SLC6A9: variants seen among roughly 807,000 people sequenced by gnomAD.
The protein encoded by SLC6A9 is solute carrier family 6 member 9.
A neutral mutation model predicts 70.9 loss-of-function variants in SLC6A9; 31 were observed. The observed-to-expected ratio is 0.44, with a 90% CI of 0.33 to 0.59. SLC6A9 has a LOEUF of 0.59. Among genes scored for constraint, SLC6A9 ranks in the 20% least tolerant of loss-of-function variants. The pLI is 0.04. For missense variants in SLC6A9, 631 were observed against 845.2 expected (o/e 0.75, Z 3.14); for synonymous variants, 310 against 341.3 (o/e 0.91, Z 1.01).
At chr1:44,024,797 G>A (rs1260808262) in intron 1 of SLC6A9, among the ~76,000 whole-genome samples, 1 of 152,158 alleles carries the variant, frequency 6.6e-6, no homozygotes, top group Non-Finnish European at 1.5e-5. Flanking sequence ...CACTCAGTGT[G>A]GGCTCCAGGG....
intron 2 of SLC6A9, chr1:44,017,157 C>T (rs201645569): frequency 8.7e-6 from 14 of 1,604,384 alleles, no homozygotes; most frequent in Middle Eastern, 1.7e-4. Flanking sequence ...AGCTCCAGCG[C>T]GACACTGACG....
intron 12 of SLC6A9, 111 bp downstream of exon 12, chr1:44,000,656 T>C (rs552023775): frequency 2.8e-6 from 2 of 717,664 alleles, no homozygotes; most frequent in African/African-American, 1.8e-5. Flanking sequence ...GTCATGGGTA[T>C]GGAGCTCCGG....
intron 5 of SLC6A9, among the ~76,000 whole-genome samples, chr1:44,007,076 G>A (rs971251143): frequency 6.6e-6 from 1 of 152,158 alleles, no homozygotes; most frequent in East Asian, 1.9e-4. Context: ...CCCAGCTCCA[G>A]TTTGCCTCCT....
At chr1:44,023,720 C>T (rs2086930015) in intron 2 of SLC6A9, among the ~76,000 whole-genome samples, 1 of 152,116 alleles carries the variant, frequency 6.6e-6, no homozygotes. Flanking sequence ...TCTCCCGTGT[C>T]TCGTGGCCTC....
chr1:44,025,468 G>A (rs1051361647), intron 1 of SLC6A9, among the ~76,000 whole-genome samples: 2 of 151,358 alleles, frequency 1.3e-5, no homozygotes, highest in Non-Finnish European at 2.9e-5. Flanking sequence ...CTCCAGCCTG[G>A]GCGACAGAGC....
chr1:43,997,846 T>C lies in SLC6A9; in HGVS notation c.1707+9A>G, dbSNP rs201868723. ...TTTGCCTGGCTACCCAGCCTGTCCC[T>C]GCCCTCACCTGGAGGAGGGTGTCCC... On this transcript the variant is annotated intron_variant, in intron 13 of 13. Transcript: ENST00000372310. This position sits in a 1 kb window ranked among gnomAD's most constrained non-coding sequence, Gnocchi z 4.4. 3 of 1,603,626 alleles carry C rather than the reference T, an allele frequency of 1.9e-6. No homozygotes were observed. The highest frequency in any genetic ancestry group is 1.3e-5 in the African/African-American group (1 of 74,832).
chr1:44,005,998 C>T (rs1297184727), intron 5 of SLC6A9, among the ~76,000 whole-genome samples: 1 of 152,210 alleles, frequency 6.6e-6, no homozygotes, highest in African/African-American at 2.4e-5. Flanking sequence ...ATCTCTAGAG[C>T]TTTGCCCTGG....
chr1:44,010,528 C>T lies in SLC6A9; in HGVS notation c.187+198G>A, dbSNP rs774345071. ...AAGGGGGCCAACTGGCAGGGCCAGC[C>T]CCCAACAACAGACTGCCAGGGTCTG... is the stretch of plus-strand genomic sequence containing the variant. On this transcript the variant is annotated intron_variant, in intron 3 of 13. Coordinates refer to ENST00000372310, the MANE Select transcript of SLC6A9 (RefSeq NM_001024845.3). The T allele has an allele frequency of 2.3e-3, 1,270 of 552,542 alleles. 8 individuals are homozygous for T. The highest frequency in any genetic ancestry group is 1.9e-3 in the Non-Finnish European group (604 of 310,160). 34.2% of individuals were successfully genotyped at this position (552,542 alleles called of 1,614,324 possible).
chr1:44,022,278 A>G (rs11585120), intron 2 of SLC6A9, among the ~76,000 whole-genome samples: 35,356 of 152,104 alleles, frequency 0.23, 9,180 homozygotes, highest in African/African-American at 0.65. Flanking sequence ...TCCAGAGAAG[A>G]AAGAGCAACC....
intron 2 of SLC6A9, among the ~76,000 whole-genome samples, chr1:44,012,761 G>A (rs976518010): frequency 2.6e-5 from 4 of 152,218 alleles, no homozygotes; most frequent in African/African-American, 7.2e-5. Flanking sequence ...GCAGGGCTGA[G>A]GTCAAGGAAG....
At chr1:44,016,473 A>G (rs1002233647) in intron 2 of SLC6A9, 2 of 152,802 alleles carry the variant, frequency 1.3e-5, no homozygotes, top group Non-Finnish European at 2.9e-5. Context: ...CCATCCGCTG[A>G]CATCTCCACC....
intron 3 of SLC6A9, 147 bp from the exon 4 acceptor site, chr1:44,010,243 G>A (rs2086497088): frequency 2.8e-6 from 2 of 716,794 alleles, no homozygotes; most frequent in South Asian, 1.9e-5. Context: ...CCTGGGCTGA[G>A]GCACACCACC....
Position 44,009,993 on chromosome 1 carries a change from C to A in SLC6A9, c.291G>T (p.Gly97=). Residue 97 remains glycine (G), a synonymous_variant, in exon 4 of 14, where the codon GGG becomes GGT. Coordinates refer to ENST00000372310, the MANE Select transcript of SLC6A9 (RefSeq NM_001024845.3). ...FGQFASQGCL[G]VWRISPMFKG... Reference sequence around the variant, plus strand: ...TGAACATGGGGCTGATCCTCCAGACCCCCAGGCACCCCTGGCTTGCAAACT... The same window carrying A: ...TGAACATGGGGCTGATCCTCCAGACACCCAGGCACCCCTGGCTTGCAAACT... The A allele has an allele frequency of 6.2e-7, 1 of 1,614,084 alleles. No homozygotes were observed. Among genetic ancestry groups the A allele is most frequent in the East Asian group, 2.2e-5 (1 of 44,868 alleles).
Position 44,020,564 on chromosome 1 carries a change from A to G in SLC6A9, c.30+3684T>C, listed in dbSNP as rs2086862542. Among the ~76,000 whole-genome samples the G allele has an allele frequency of 3.3e-5, 5 of 152,202 alleles. No individual in the cohort carries two copies. The South Asian group carries it at 1.0e-3, about 31-fold the overall frequency. On this transcript the variant is annotated intron_variant, in intron 2 of 13. Coordinates refer to ENST00000372310, the MANE Select transcript of SLC6A9 (RefSeq NM_001024845.3). Reference sequence around the variant, plus strand: ...AGTCTGCACTAGTTGAGCATTTGCCACACGCTAAGACTTCGGTTAGGTGAG... The same window carrying G: ...AGTCTGCACTAGTTGAGCATTTGCCGCACGCTAAGACTTCGGTTAGGTGAG...
At chr1:44,028,777 G>C (rs2087032000) in intron 1 of SLC6A9, among the ~76,000 whole-genome samples, 1 of 149,360 alleles carries the variant, frequency 6.7e-6, no homozygotes, top group South Asian at 2.1e-4. Flanking sequence ...AAAGAAAAAA[G>C]AAAGAGAGAG....
intron 11 of SLC6A9, 40 bp downstream of exon 11, chr1:44,000,916 A>G: frequency 1.3e-6 from 2 of 1,599,554 alleles, no homozygotes; most frequent in Non-Finnish European, 1.7e-6. Flanking sequence ...TGGGCGGGCC[A>G]AGGGCCGGGT....
At position 43,997,761 on chromosome 1, in the gene SLC6A9, C is replaced by T; in HGVS notation, c.1708-22G>A. The T allele has an allele frequency of 6.3e-7, 1 of 1,598,334 alleles. No individual in the cohort carries two copies. ...AACGCTGCATGAGGTAGGCATGGGGCACAGGGGCAGGGCACGTCAGGAGGG... is the reference window on the plus strand; with the variant it reads ...AACGCTGCATGAGGTAGGCATGGGGTACAGGGGCAGGGCACGTCAGGAGGG... On this transcript the variant is annotated intron_variant, in intron 13 of 13. Transcript: ENST00000372310. This position sits in a 1 kb window ranked among gnomAD's most constrained non-coding sequence, Gnocchi z 4.4.
chr1:44,027,175 T>C (rs1464622107), intron 1 of SLC6A9, among the ~76,000 whole-genome samples: 1 of 152,050 alleles, frequency 6.6e-6, no homozygotes, highest in African/African-American at 2.4e-5. Flanking sequence ...TGGGCCACTG[T>C]TGACAAGCAG....
chr1:44,008,649 G>A (rs1174273381), intron 4 of SLC6A9, 26 bp from the exon 5 acceptor site: 1 of 1,600,954 alleles, frequency 6.2e-7, no homozygotes. Flanking sequence ...GGTGGGGGGA[G>A]GAGCCTCAGC....
Sources: gnomAD v4.1 joint callset for allele counts (sites outside exome capture counted in the v4.1 genomes callset) on GRCh38, gnomAD v4.1.1 for gene constraint, Gnocchi (gnomAD v3.1) non-coding constraint, MANE v1.5 for transcripts, NCBI Gene and HGNC (gene_info 2026-07-23, HGNC 2026-07-21) for gene names.